The following LMBRD1 variants were observed in gnomAD, a reference collection of about 807,000 sequenced individuals.
The protein encoded by LMBRD1 is LMBR1 domain containing 1.
In LMBRD1, 64 loss-of-function variants were observed where a neutral mutation model predicts 74.8. That is an observed-to-expected ratio of 0.86 (90% confidence interval 0.70 to 1.05). The LOEUF is 1.05. Among genes scored for constraint, LMBRD1 ranks in the 50% least tolerant of loss-of-function variants. The pLI is 0.00. For missense variants in LMBRD1, 652 were observed against 645.9 expected (o/e 1.01, Z -0.10); for synonymous variants, 204 against 216.3 (o/e 0.94, Z 0.50).
intron 14 of LMBRD1, among the ~76,000 whole-genome samples, chr6:69,683,085 T>C (rs931757410): frequency 3.3e-5 from 5 of 151,984 alleles, no homozygotes; most frequent in Non-Finnish European, 7.4e-5. Context: ...TAAACTTCTA[T>C]CAACACAACC....
chr6:69,701,852 G>A, intron 10 of LMBRD1, 37 bp downstream of exon 10: 1 of 1,337,862 alleles, frequency 7.5e-7, no homozygotes, highest in Non-Finnish European at 1.1e-6. Flanking sequence ...CATAGAATTT[G>A]TATAAGTGCT....
At chr6:69,691,441 C>A (rs189558660) in intron 14 of LMBRD1, among the ~76,000 whole-genome samples, 178 of 152,144 alleles carry the variant, frequency 1.2e-3, no homozygotes, top group African/African-American at 4.2e-3. Flanking sequence ...CTCTTTATGG[C>A]CTTTATTCCC....
Position 69,734,206 on chromosome 6 carries a change from T to C in LMBRD1, c.636+3736A>G, listed in dbSNP as rs575943633. ...CTCTCCCTTGGCCTTAGGCCTTAAGTGGCCCCTCTCTACCTATTTAGCAAC... is the reference window on the plus strand; with the variant it reads ...CTCTCCCTTGGCCTTAGGCCTTAAGCGGCCCCTCTCTACCTATTTAGCAAC... On this transcript the variant is annotated intron_variant, in intron 7 of 15. Coordinates refer to ENST00000649934, the MANE Select transcript of LMBRD1 (RefSeq NM_018368.4). Among the ~76,000 whole-genome samples, 169 of 152,282 alleles carry C rather than the reference T, an allele frequency of 1.1e-3. 1 individual carries two copies. In the South Asian group the frequency reaches 0.016, roughly 15 times the overall value.
chr6:69,764,276 T>C (rs1429616206), intron 3 of LMBRD1, among the ~76,000 whole-genome samples: 4 of 152,078 alleles, frequency 2.6e-5, no homozygotes, highest in Admixed American at 1.3e-4. Context: ...GTGATGGCAT[T>C]AGTGTCCTTA....
intron 4 of LMBRD1, among the ~76,000 whole-genome samples, chr6:69,751,335 T>G (rs1053185042): frequency 6.6e-6 from 1 of 152,158 alleles, no homozygotes; most frequent in African/African-American, 2.4e-5. Context: ...GTCCTTTTTT[T>G]TTTTTTCTGA....
intron 14 of LMBRD1, among the ~76,000 whole-genome samples, chr6:69,692,554 T>C (rs994329823): frequency 2.6e-5 from 4 of 152,190 alleles, no homozygotes; most frequent in African/African-American, 4.8e-5. Context: ...TTCAATAGTG[T>C]TGCCACCATT....
chr6:69,757,991 G>A (rs569722082), intron 3 of LMBRD1, among the ~76,000 whole-genome samples: 2 of 152,184 alleles, frequency 1.3e-5, no homozygotes, highest in Admixed American at 6.5e-5. Flanking sequence ...ACAACTTATC[G>A]AGAACTAGCA....
chr6:69,677,441 GT>G (rs889075131), intron 14 of LMBRD1, among the ~76,000 whole-genome samples: 1 of 152,070 alleles, frequency 6.6e-6, no homozygotes, highest in Non-Finnish European at 1.5e-5. Context: ...GAAAAGTGGG[GT>G]TCTAATTTCT....
At chr6:69,743,006 G>C (rs927772570) in intron 5 of LMBRD1, among the ~76,000 whole-genome samples, 1 of 151,970 alleles carries the variant, frequency 6.6e-6, no homozygotes, top group Non-Finnish European at 1.5e-5. Context: ...AATAAATGTA[G>C]AAAGTTTATT....
At chr6:69,677,420 G>A (rs1181345075) in intron 14 of LMBRD1, among the ~76,000 whole-genome samples, 1 of 152,124 alleles carries the variant, frequency 6.6e-6, no homozygotes, top group Non-Finnish European at 1.5e-5. Flanking sequence ...CTAGGTTTAT[G>A]GCTGGCTTTG....
At chr6:69,779,155 C>T (rs985698940) in intron 3 of LMBRD1, among the ~76,000 whole-genome samples, 2 of 139,902 alleles carry the variant, frequency 1.4e-5, no homozygotes, top group Admixed American at 7.4e-5. Context: ...CACTGCACTC[C>T]AGCCTGGGCA....
intron 10 of LMBRD1, 120 bp downstream of exon 10, chr6:69,701,769 A>C (rs762942205): frequency 1.3e-5 from 10 of 752,864 alleles, no homozygotes; most frequent in Non-Finnish European, 2.1e-5. Context: ...ATGCTATAGA[A>C]CACTTCAAGT....
At position 69,713,654 on chromosome 6, in the gene LMBRD1, A is replaced by G. The variant is rs1227863613; in HGVS notation, c.906T>C (p.Arg302=). 1 of 1,613,482 alleles carries G rather than the reference A, an allele frequency of 6.2e-7. No individual in the cohort carries two copies. Among genetic ancestry groups the G allele is most frequent in the Non-Finnish European group, 8.5e-7 (1 of 1,179,572 alleles). Residue 302 remains arginine (R), a synonymous_variant, in exon 9 of 16, where the codon CGT becomes CGC. Transcript: ENST00000649934. The part of the protein sequence containing the change: ...SWWTKFCGAL[R]PLKIVWGIFF... ...TAAAAACTTCATTTACCTTCAGGGGACGCAGAGCGCCACAAAATTTTGTCC... is the reference window on the plus strand; with the variant it reads ...TAAAAACTTCATTTACCTTCAGGGGGCGCAGAGCGCCACAAAATTTTGTCC...
intron 9 of LMBRD1, among the ~76,000 whole-genome samples, chr6:69,706,735 T>G (rs1766267723): frequency 6.6e-6 from 1 of 152,158 alleles, no homozygotes; most frequent in African/African-American, 2.4e-5. Flanking sequence ...TCCCATAGTT[T>G]TTGCTTTCAT....
rs556450883 is a variant in LMBRD1 at position 69,683,202 on chromosome 6, T to A, written c.1418-6661A>T. 2.0e-5 allele frequency among the ~76,000 whole-genome samples: 3 copies of A among 152,156 alleles called. No individual in the cohort carries two copies. In the South Asian group the frequency reaches 6.2e-4, roughly 32 times the overall value. On this transcript the variant is annotated intron_variant, in intron 14 of 15. Transcript: ENST00000649934. ...TCAATACTCAATTTTCCAGTCTGCATCGCAATCTTGATTGACAATAGACAT... is the reference window on the plus strand; with the variant it reads ...TCAATACTCAATTTTCCAGTCTGCAACGCAATCTTGATTGACAATAGACAT...
chr6:69,741,354 C>T (rs558050757), intron 6 of LMBRD1, among the ~76,000 whole-genome samples: 18 of 151,246 alleles, frequency 1.2e-4, no homozygotes, highest in Non-Finnish European at 2.2e-4. Flanking sequence ...TTCAAAATGA[C>T]GAGTTAGAAA....
intron 3 of LMBRD1, among the ~76,000 whole-genome samples, chr6:69,757,328 CT>C (rs1484354280): frequency 6.6e-6 from 1 of 152,134 alleles, no homozygotes; most frequent in Admixed American, 6.5e-5. Context: ...TCCCATGTTG[CT>C]GGTAAAAGTG....
At chr6:69,781,143 A>T (rs1331975314) in intron 2 of LMBRD1, among the ~76,000 whole-genome samples, 3 of 152,174 alleles carry the variant, frequency 2.0e-5, no homozygotes, top group Admixed American at 6.5e-5. Context: ...ACATTTTTTT[A>T]AAAACCTACA....
intron 7 of LMBRD1, among the ~76,000 whole-genome samples, chr6:69,735,043 T>C (rs1449702821): frequency 6.6e-6 from 1 of 152,232 alleles, no homozygotes; most frequent in Non-Finnish European, 1.5e-5. Flanking sequence ...CGCTTTTGTA[T>C]TGCAATTATT....
Sources: gnomAD v4.1 joint callset for allele counts (sites outside exome capture counted in the v4.1 genomes callset) on GRCh38, gnomAD v4.1.1 for gene constraint, MANE v1.5 for transcripts, NCBI Gene and HGNC (gene_info 2026-07-23, HGNC 2026-07-21) for gene names.